The following PSEN2 variants were observed in gnomAD, a reference collection of about 807,000 sequenced individuals.
The protein encoded by PSEN2 is presenilin-2.
In PSEN2, 32 loss-of-function variants were observed where a neutral mutation model predicts 49.1. The observed-to-expected ratio is 0.65, with a 90% CI of 0.49 to 0.88. The LOEUF (loss-of-function observed/expected upper bound fraction) is 0.88. Among genes scored for constraint, PSEN2 ranks in the 40% least tolerant of loss-of-function variants. The probability of loss-of-function intolerance (pLI) is 0.00; values close to 1 mark genes in which losing one functional copy is unlikely to be tolerated. For missense variants in PSEN2, 522 were observed against 586.9 expected (o/e 0.89, Z 1.14); for synonymous variants, 255 against 244.0 (o/e 1.05, Z -0.42).
At chr1:226,883,673 T>G (rs1407968768) in intron 4 of PSEN2, 32 bp from the exon 5 acceptor site, 1 of 1,603,612 alleles carries the variant, frequency 6.2e-7, no homozygotes, top group Non-Finnish European at 8.5e-7. Flanking sequence ...GTGGGGGACA[T>G]TCTGCGGCCC....
In PSEN2 at chr1:226,888,274, G is replaced by A. The variant is rs907824125; in HGVS notation, c.566+116G>A. On this transcript the variant is annotated intron_variant, in intron 7 of 12. Transcript: ENST00000366783. ...GACCATCGAGCTCCAGTCTTCCCCA[G>A]TGCCAGCCGTTTTGGGAACCCAGGC... The A allele has an allele frequency of 1.4e-5, 14 of 990,112 alleles. 1 individual carries two copies. In the South Asian group the frequency reaches 1.7e-4, roughly 12 times the overall value. The allele number at this position is 990,112 out of a possible 1,614,324, so 61.3% of individuals were successfully genotyped here. A position where few individuals can be genotyped will look rare whatever the true frequency, so the allele number is the denominator to read the frequency against.
intron 3 of PSEN2, among the ~76,000 whole-genome samples, chr1:226,878,745 C>T (rs1558140433): frequency 6.6e-6 from 1 of 152,152 alleles, no homozygotes. Context: ...CTTCCCTGTT[C>T]ATTCACACCC....
chr1:226,879,010 C>A (rs1333614616), intron 3 of PSEN2, among the ~76,000 whole-genome samples: 3 of 152,072 alleles, frequency 2.0e-5, no homozygotes, highest in Admixed American at 6.5e-5. Flanking sequence ...GAGGACCTTA[C>A]AGTTTTTTCT....
chr1:226,892,294 C>G (rs1480106345), intron 11 of PSEN2, among the ~76,000 whole-genome samples: 2 of 152,164 alleles, frequency 1.3e-5, no homozygotes, highest in Non-Finnish European at 2.9e-5. Context: ...ACAGCAGTCA[C>G]TAGAGGAGAG....
chr1:226,890,562 C>T (rs1661674995), intron 9 of PSEN2: 3 of 284,734 alleles, frequency 1.1e-5, no homozygotes, highest in African/African-American at 6.5e-5. Flanking sequence ...AGGGAAGGCA[C>T]ACGGGATGGC....
chr1:226,901,546 A>G (rs1431654687), downstream of PSEN2, among the ~76,000 whole-genome samples: 1 of 152,046 alleles, frequency 6.6e-6, no homozygotes, highest in Admixed American at 6.6e-5. Flanking sequence ...ACATGGCAAG[A>G]CCCCATCTCT....
At chr1:226,892,416 A>G (rs948660632) in intron 11 of PSEN2, among the ~76,000 whole-genome samples, 1 of 152,184 alleles carries the variant, frequency 6.6e-6, no homozygotes, top group Non-Finnish European at 1.5e-5. Flanking sequence ...GCCTGGAGAC[A>G]TGCGAAGATA....
At chr1:226,883,278 G>C (rs1434697562) in intron 4 of PSEN2, among the ~76,000 whole-genome samples, 1 of 152,066 alleles carries the variant, frequency 6.6e-6, no homozygotes, top group Non-Finnish European at 1.5e-5. Flanking sequence ...CAAAGAGAGT[G>C]TCCCTGTGCA....
chr1:226,896,073 C>T lies in PSEN2; in HGVS notation c.*494C>T, dbSNP rs2102700128. 5.3e-6 allele frequency: 1 copy of T among 189,832 alleles called. No homozygotes were observed. Among genetic ancestry groups the T allele is most frequent in the Admixed American group, 5.3e-5 (1 of 18,844 alleles). The allele number at this position is 189,832 out of a possible 1,614,324, so 11.8% of individuals were successfully genotyped here. A position where few individuals can be genotyped will look rare whatever the true frequency, so the allele number is the denominator to read the frequency against. ...CTGGGAAGTGGCTTAATAGTAATAT[C>T]AATAAATAGATGAGTCCTGTTAGAA... is the stretch of plus-strand genomic sequence containing the variant. On this transcript the variant is annotated 3_prime_UTR_variant, in exon 13 of 13. Coordinates refer to ENST00000366783, the MANE Select transcript of PSEN2 (RefSeq NM_000447.3).
downstream of PSEN2, among the ~76,000 whole-genome samples, chr1:226,897,293 T>G (rs543630972): frequency 2.0e-5 from 3 of 152,276 alleles, no homozygotes; most frequent in East Asian, 5.8e-4. Flanking sequence ...AAAGATGGGA[T>G]TGGACATATA....
chr1:226,902,225 C>T (rs1018381543), intron 12 of PSEN2, among the ~76,000 whole-genome samples: 1 of 152,102 alleles, frequency 6.6e-6, no homozygotes, highest in African/African-American at 2.4e-5. Flanking sequence ...CAATGGGGTT[C>T]GAGGTCCTAT....
At chr1:226,896,188 G>A (rs1662138950), downstream of PSEN2, 1 of 159,850 alleles carries the variant, frequency 6.3e-6, no homozygotes, top group Non-Finnish European at 1.4e-5. Flanking sequence ...CCAGGATGGA[G>A]GCAGTTTGCC....
chr1:226,876,155 G>A (rs1558138486), intron 3 of PSEN2, among the ~76,000 whole-genome samples: 1 of 152,032 alleles, frequency 6.6e-6, no homozygotes, highest in African/African-American at 2.4e-5. Flanking sequence ...GCACTCTAAT[G>A]TGGACAGACA....
At chr1:226,892,786 C>T (rs542079957) in intron 11 of PSEN2, among the ~76,000 whole-genome samples, 2 of 152,178 alleles carry the variant, frequency 1.3e-5, no homozygotes, top group Non-Finnish European at 2.9e-5. Context: ...CAGACACCAG[C>T]CACAAGCTCT....
In PSEN2 at chr1:226,895,660, A is replaced by C; in HGVS notation, c.*81A>C. 6.8e-7 allele frequency: 1 copy of C among 1,461,618 alleles called. No individual in the cohort carries two copies. The highest frequency in any genetic ancestry group is 9.4e-7 in the Non-Finnish European group (1 of 1,068,778). The allele number at this position is 1,461,618 out of a possible 1,614,324, so 90.5% of individuals were successfully genotyped here. On this transcript the variant is annotated 3_prime_UTR_variant, in exon 13 of 13. Transcript: ENST00000366783. ...GTATAGTTTTACACTCTAGTGCCAT[A>C]TATTTTTAAGACTTTTCTTTCCTTA...
chr1:226,900,090 G>A (rs548849239), downstream of PSEN2, among the ~76,000 whole-genome samples: 1 of 152,314 alleles, frequency 6.6e-6, no homozygotes, highest in Admixed American at 6.5e-5. Context: ...ATGAGAAAAT[G>A]GGGTCGTGAG....
chr1:226,901,234 G>A (rs959403945), downstream of PSEN2, among the ~76,000 whole-genome samples: 7 of 152,192 alleles, frequency 4.6e-5, no homozygotes, highest in African/African-American at 1.2e-4. Context: ...TCAGGAGTTC[G>A]AGACCAGCCT....
chr1:226,870,762 G>A (rs1351428791), intron 1 of PSEN2, 113 bp downstream of exon 1: 1 of 152,390 alleles, frequency 6.6e-6, no homozygotes, highest in African/African-American at 2.4e-5. Context: ...GCACGCCTCT[G>A]GCCACGGTCC....
chr1:226,885,139 G>A (rs58855513), intron 5 of PSEN2, among the ~76,000 whole-genome samples: 4,323 of 151,998 alleles, frequency 0.028, 192 homozygotes, highest in African/African-American at 0.099. Flanking sequence ...GATGGGGGTC[G>A]GGTAGTAGCA....
Sources: allele counts gnomAD v4.1 joint callset (sites outside exome capture counted in the v4.1 genomes callset), GRCh38; gene constraint gnomAD v4.1.1; transcripts MANE v1.5; gene names NCBI Gene and HGNC (gene_info 2026-07-23, HGNC 2026-07-21).